SLC6A16: variants seen among roughly 807,000 people sequenced by gnomAD.
SLC6A16 encodes solute carrier family 6 member 16.
SLC6A16 carries 54 observed loss-of-function variants against 65.4 expected under a neutral mutation model. The ratio of observed to expected loss-of-function variants is 0.83; its 90% confidence interval spans 0.66 to 1.04. The LOEUF (loss-of-function observed/expected upper bound fraction) is 1.04, where lower values mean the gene tolerates loss of function less well. Ranked by LOEUF, SLC6A16 falls within the 50% of genes least tolerant of loss-of-function variation. The pLI is 0.00. For missense variants in SLC6A16, 816 were observed against 914.0 expected (o/e 0.89, Z 1.38); for synonymous variants, 330 against 346.5 (o/e 0.95, Z 0.53).
At chr19:49,340,140 C>T in the SLC6A16 span, 7 of 1,535,202 alleles carry the variant, frequency 4.6e-6, no homozygotes, top group Non-Finnish European at 6.2e-6. Context: ...TCTCCAGCCC[C>T]TTCCCGCCCA....
chr19:49,291,908 G>A (rs183893503), intron 10 of SLC6A16, among the ~76,000 whole-genome samples: 8 of 152,166 alleles, frequency 5.3e-5, no homozygotes, highest in Admixed American at 5.2e-4. Context: ...AGTTGCCCTG[G>A]CTACCTCTAC....
the SLC6A16 span, chr19:49,336,731 G>T: frequency 6.6e-6 from 4 of 607,794 alleles, no homozygotes; most frequent in South Asian, 4.1e-5. Context: ...CGGGAAACAG[G>T]CCCAGAAAGA....
At chr19:49,308,788 A>C in intron 7 of SLC6A16, 88 bp downstream of exon 7, 1 of 1,530,544 alleles carries the variant, frequency 6.5e-7, no homozygotes, top group East Asian at 2.3e-5. Flanking sequence ...ATGTGTGAAC[A>C]TGGGTCTTTG....
In SLC6A16 at chr19:49,309,427, G is replaced by A. The variant is rs762291571; in HGVS notation, c.877-16C>T. Reference sequence around the variant, plus strand: ...CATAGATTACCTGAATCGAGAGTGGGACATATCAGCAACCGTGTACCAGTA... The same window carrying A: ...CATAGATTACCTGAATCGAGAGTGGAACATATCAGCAACCGTGTACCAGTA... On this transcript the variant is annotated splice_polypyrimidine_tract_variant and intron_variant, in intron 5 of 11. Coordinates refer to ENST00000335875, the MANE Select transcript of SLC6A16 (RefSeq NM_014037.3). 53 of 1,579,840 alleles carry A rather than the reference G, an allele frequency of 3.4e-5. No homozygotes were observed. Among genetic ancestry groups the A allele is most frequent in the Non-Finnish European group, 4.6e-5 (53 of 1,149,340 alleles).
chr19:49,337,142 C>A, the SLC6A16 span: 5 of 1,614,184 alleles, frequency 3.1e-6, no homozygotes, highest in Middle Eastern at 4.9e-4. Flanking sequence ...CACTCTGCTC[C>A]CCAGTATTTT....
chr19:49,327,722 G>T (rs186386693), upstream of SLC6A16, among the ~76,000 whole-genome samples: 1 of 152,222 alleles, frequency 6.6e-6, no homozygotes, highest in African/African-American at 2.4e-5. Context: ...TTTAGACAGG[G>T]TAGTCAAGAA....
intron 10 of SLC6A16, among the ~76,000 whole-genome samples, chr19:49,291,260 C>T (rs1401756123): frequency 6.6e-6 from 1 of 151,804 alleles, no homozygotes; most frequent in African/African-American, 2.4e-5. Context: ...TCCACCTATT[C>T]ATCTGTCCAG....
At chr19:49,304,374 A>C (rs1184713628) in intron 7 of SLC6A16, among the ~76,000 whole-genome samples, 1 of 152,220 alleles carries the variant, frequency 6.6e-6, no homozygotes, top group Admixed American at 6.5e-5. Context: ...ACAAACGCCT[A>C]TCCAATCTTG....
At chr19:49,338,119 C>G in the SLC6A16 span, 1 of 1,528,198 alleles carries the variant, frequency 6.5e-7, no homozygotes, top group Admixed American at 2.1e-5. This position sits in a 1 kb window ranked among gnomAD's most constrained non-coding sequence, Gnocchi z 5.0. Context: ...GCCCGACCCC[C>G]AGCTCTACGA....
Position 49,309,789 on chromosome 19 carries a change from G to A in SLC6A16, c.738C>T (p.Phe246=). The part of the protein sequence containing the change: ...ECERTTPSIY[F]WYQQALKASD... The stretch of plus-strand genomic sequence containing the variant: ...AGGCCTTCAAGGCCTGCTGGTACCA[G>A]AAGTATATGGAGGGTGTTGTCCGTT... The change falls in exon 5 of 12, where the codon TTC becomes TTT. Residue 246 remains phenylalanine, a synonymous_variant. Coordinates refer to ENST00000335875, the MANE Select transcript of SLC6A16 (RefSeq NM_014037.3). 1 of 1,613,940 alleles carries A rather than the reference G, an allele frequency of 6.2e-7. No individual in the cohort carries two copies. Among genetic ancestry groups the A allele is most frequent in the Non-Finnish European group, 8.5e-7 (1 of 1,179,866 alleles).
At chr19:49,336,790 A>G in the SLC6A16 span, 2 of 1,010,354 alleles carry the variant, frequency 2.0e-6, no homozygotes, top group Non-Finnish European at 3.0e-6. Context: ...GCAGGGACAG[A>G]GTCCCAGAGA....
At chr19:49,336,868 T>TCCCA in the SLC6A16 span, 1 of 1,607,894 alleles carries the variant, frequency 6.2e-7, no homozygotes, top group Admixed American at 1.7e-5. Flanking sequence ...TGCCTGGAGC[T>TCCCA]GTGCCACACA....
intron 1 of SLC6A16, among the ~76,000 whole-genome samples, chr19:49,313,093 A>AAAAAAAAAAAAAAAAAC (rs1970554384): frequency 6.7e-6 from 1 of 148,666 alleles, no homozygotes; most frequent in African/African-American, 2.5e-5. Flanking sequence ...AAAAAAAAAA[A>AAAAAAAAAAAAAAAAAC]AAGACGATGA....
At chr19:49,335,916 C>G in the SLC6A16 span, 1 of 741,834 alleles carries the variant, frequency 1.3e-6, no homozygotes, top group African/African-American at 1.8e-5. This position sits in a 1 kb window ranked among gnomAD's most constrained non-coding sequence, Gnocchi z 4.6. Flanking sequence ...CACTGCTCAC[C>G]GGAGGCTTCT....
intron 1 of SLC6A16, among the ~76,000 whole-genome samples, chr19:49,315,426 T>C (rs1970598801): frequency 6.6e-6 from 1 of 152,140 alleles, no homozygotes; most frequent in African/African-American, 2.4e-5. Context: ...CAAATGATGC[T>C]TCCATAACAT....
chr19:49,298,943 A>G (rs1970232727), intron 7 of SLC6A16, among the ~76,000 whole-genome samples: 1 of 152,214 alleles, frequency 6.6e-6, no homozygotes, highest in African/African-American at 2.4e-5. Flanking sequence ...TCCTAAGTGA[A>G]TTAACATAGG....
At chr19:49,318,770 T>G (rs991293534) in intron 1 of SLC6A16, among the ~76,000 whole-genome samples, 1 of 151,956 alleles carries the variant, frequency 6.6e-6, no homozygotes, top group Non-Finnish European at 1.5e-5. Context: ...CACACTGATC[T>G]CAGCTCACTG....
chr19:49,326,586 G>A (rs1274439534), upstream of SLC6A16, among the ~76,000 whole-genome samples: 6 of 152,134 alleles, frequency 3.9e-5, no homozygotes, highest in Non-Finnish European at 7.3e-5. Flanking sequence ...CGTATTTATC[G>A]AGAGTCTACT....
chr19:49,335,854 C>T, the SLC6A16 span: 1 of 1,272,812 alleles, frequency 7.9e-7, no homozygotes, highest in Non-Finnish European at 1.1e-6. This position sits in a 1 kb window ranked among gnomAD's most constrained non-coding sequence, Gnocchi z 4.6. Flanking sequence ...TCTCCCTTGT[C>T]TCAGGGAGAC....
Sources: allele counts gnomAD v4.1 joint callset (sites outside exome capture counted in the v4.1 genomes callset), GRCh38; gene constraint gnomAD v4.1.1; non-coding constraint Gnocchi (gnomAD v3.1); transcripts MANE v1.5; gene names NCBI Gene and HGNC (gene_info 2026-07-23, HGNC 2026-07-21).